CACNA2D3: variants seen among roughly 807,000 people sequenced by gnomAD.
CACNA2D3 encodes the protein calcium voltage-gated channel auxiliary subunit alpha2delta 3, also known as voltage-dependent calcium channel subunit alpha-2/delta-3.
In CACNA2D3, 60 loss-of-function variants were observed where a neutral mutation model predicts 160.6. That is an observed-to-expected ratio of 0.37 (90% CI 0.30 to 0.46). The LOEUF (loss-of-function observed/expected upper bound fraction) is 0.46, where lower values mean the gene tolerates loss of function less well. Among genes scored for constraint, CACNA2D3 ranks in the 20% least tolerant of loss-of-function variants. The probability of loss-of-function intolerance (pLI) is 1.00; values close to 1 mark genes in which losing one functional copy is unlikely to be tolerated. For synonymous variants in CACNA2D3, 558 were observed against 492.9 expected (o/e 1.13, Z -1.75); for missense variants, 1,205 against 1,365.0 (o/e 0.88, Z 1.85).
chr3:54,535,189 A>G (rs1701869554), intron 5 of CACNA2D3, among the ~76,000 whole-genome samples: 1 of 152,208 alleles, frequency 6.6e-6, no homozygotes, highest in Non-Finnish European at 1.5e-5. Flanking sequence ...AACTTGTTAG[A>G]AATGAAAAAT....
intron 2 of CACNA2D3, among the ~76,000 whole-genome samples, chr3:54,245,058 A>C (rs1289502793): frequency 6.6e-6 from 1 of 152,210 alleles, no homozygotes; most frequent in Non-Finnish European, 1.5e-5. Context: ...TACCCAGGAC[A>C]GTGCCAGTTT....
At chr3:54,465,128 T>C (rs906305335) in intron 4 of CACNA2D3, among the ~76,000 whole-genome samples, 4 of 152,022 alleles carry the variant, frequency 2.6e-5, no homozygotes, top group African/African-American at 4.8e-5. Context: ...CTGCTTCATC[T>C]AGTCTGTCGT....
At chr3:54,918,332 C>CTTTTTTT (rs533596688) in intron 27 of CACNA2D3, 2,439 of 227,986 alleles carry the variant, frequency 0.011, 569 homozygotes, top group Middle Eastern at 0.02. Flanking sequence ...TTTTTTTTTT[C>CTTTTTTT]TTTTTTTTTT....
At chr3:54,198,030 G>A (rs1014161756) in intron 2 of CACNA2D3, among the ~76,000 whole-genome samples, 3 of 152,208 alleles carry the variant, frequency 2.0e-5, no homozygotes, top group Admixed American at 6.5e-5. Flanking sequence ...AATAGCATGC[G>A]TGAAGTTCCA....
Position 55,056,353 on chromosome 3 carries a change from G to A in CACNA2D3, c.2988-17092G>A, listed in dbSNP as rs1279364672. On this transcript the variant is annotated intron_variant, in intron 35 of 37. Transcript: ENST00000474759. The stretch of plus-strand genomic sequence containing the variant: ...GAAAAGCGAAACTTTGTACACTTTT[G>A]GTGGGAATGTAAATTAGTACAGCCA... 3.9e-5 allele frequency among the ~76,000 whole-genome samples: 6 copies of A among 152,302 alleles called. No homozygotes were observed. In the East Asian group the frequency reaches 1.2e-3, roughly 29 times the overall value.
intron 27 of CACNA2D3, among the ~76,000 whole-genome samples, chr3:54,939,983 A>G (rs1432421797): frequency 1.3e-5 from 2 of 152,206 alleles, no homozygotes; most frequent in African/African-American, 4.8e-5. Context: ...AGAGGACAGG[A>G]TGCCTCTAGG....
chr3:55,017,166 T>C (rs143094332), intron 34 of CACNA2D3, among the ~76,000 whole-genome samples: 2 of 152,360 alleles, frequency 1.3e-5, no homozygotes, highest in African/African-American at 4.8e-5. Context: ...GTACAAACTT[T>C]GGTATTGGAA....
chr3:54,147,169 G>A (rs1388688448), intron 2 of CACNA2D3, among the ~76,000 whole-genome samples: 1 of 152,220 alleles, frequency 6.6e-6, no homozygotes, highest in Non-Finnish European at 1.5e-5. Context: ...CCCCTGCACT[G>A]CCTGCTGGCT....
intron 4 of CACNA2D3, among the ~76,000 whole-genome samples, chr3:54,486,085 G>A (rs1701011976): frequency 6.6e-6 from 1 of 152,206 alleles, no homozygotes; most frequent in African/African-American, 2.4e-5. Context: ...CTGTGAGTGA[G>A]TAGTTCTCTT....
chr3:54,892,991 A>T (rs948106932), intron 25 of CACNA2D3, among the ~76,000 whole-genome samples: 1 of 152,154 alleles, frequency 6.6e-6, no homozygotes, highest in Non-Finnish European at 1.5e-5. Flanking sequence ...AAAATTATGG[A>T]TGAGCTGGGC....
chr3:54,836,328 G>A (rs1417896746), intron 14 of CACNA2D3, among the ~76,000 whole-genome samples: 5 of 148,750 alleles, frequency 3.4e-5, no homozygotes, highest in African/African-American at 5.0e-5. Context: ...TCCGTTTCCC[G>A]GGTTCACACC....
intron 9 of CACNA2D3, among the ~76,000 whole-genome samples, chr3:54,596,409 C>G (rs1230821462): frequency 1.3e-5 from 2 of 152,154 alleles, no homozygotes; most frequent in Admixed American, 6.5e-5. Flanking sequence ...ATCACCTTCC[C>G]CTTGTTGTTA....
intron 5 of CACNA2D3, among the ~76,000 whole-genome samples, chr3:54,520,027 T>C (rs781469179): frequency 2.0e-5 from 3 of 152,240 alleles, no homozygotes; most frequent in Non-Finnish European, 4.4e-5. Flanking sequence ...CCTCTTAAGA[T>C]GGCAGATTGC....
intron 2 of CACNA2D3, among the ~76,000 whole-genome samples, chr3:54,299,685 G>A (rs138001609): frequency 1.3e-5 from 2 of 152,306 alleles, no homozygotes; most frequent in African/African-American, 4.8e-5. Context: ...CTTGAATTCA[G>A]AAAAGGGAAC....
At chr3:54,267,379 A>C (rs530270463) in intron 2 of CACNA2D3, among the ~76,000 whole-genome samples, 1 of 152,266 alleles carries the variant, frequency 6.6e-6, no homozygotes, top group African/African-American at 2.4e-5. Flanking sequence ...GTTCTGGGCT[A>C]CTCGTTACAA....
rs117180735 is a variant in CACNA2D3 at position 54,253,548 on chromosome 3, C to G, written c.205-66894C>G. 1.1e-4 allele frequency among the ~76,000 whole-genome samples: 16 copies of G among 152,232 alleles called. No homozygotes were observed. The South Asian group carries it at 3.3e-3, about 32-fold the overall frequency. Reference sequence around the variant, plus strand: ...GGTACTAAACCATTCATGAGTGATCCGGTCACCTTCCACCAGGGCCCACCT... The same window carrying G: ...GGTACTAAACCATTCATGAGTGATCGGGTCACCTTCCACCAGGGCCCACCT... On this transcript the variant is annotated intron_variant, in intron 2 of 37. Transcript: ENST00000474759.
intron 27 of CACNA2D3, among the ~76,000 whole-genome samples, chr3:54,948,495 C>T (rs1701672218): frequency 6.6e-6 from 1 of 152,180 alleles, no homozygotes; most frequent in South Asian, 2.1e-4. Flanking sequence ...CTAGTATGGG[C>T]AAAGGTAGCA....
intron 5 of CACNA2D3, among the ~76,000 whole-genome samples, chr3:54,529,073 TC>T (rs1296813820): frequency 2.0e-5 from 3 of 152,140 alleles, no homozygotes; most frequent in African/African-American, 7.2e-5. Flanking sequence ...GAAGGAAAGT[TC>T]AGTGAGCCAG....
chr3:54,261,729 T>C (rs1377435371), intron 2 of CACNA2D3, among the ~76,000 whole-genome samples: 4 of 152,234 alleles, frequency 2.6e-5, no homozygotes, highest in African/African-American at 9.6e-5. Flanking sequence ...TGGTCTTGTG[T>C]GTTCAGGGAT....
Sources: gnomAD v4.1 joint callset for allele counts (sites outside exome capture counted in the v4.1 genomes callset) on GRCh38, gnomAD v4.1.1 for gene constraint, MANE v1.5 for transcripts, NCBI Gene and HGNC (gene_info 2026-07-23, HGNC 2026-07-21) for gene names.